The following WDR45 variants were observed in gnomAD, a reference collection of about 807,000 sequenced individuals.
WDR45 encodes the protein WD repeat domain phosphoinositide-interacting protein 4.
A neutral mutation model predicts 27.3 loss-of-function variants in WDR45; 2 were observed. The ratio of observed to expected loss-of-function variants is 0.07; its 90% confidence interval spans 0.03 to 0.23. WDR45 has a LOEUF of 0.23. WDR45 is among the 10% of genes least tolerant of loss of function. The pLI is 1.00. For missense variants in WDR45, 175 were observed against 311.9 expected, an observed-to-expected ratio of 0.56 and a Z score of 3.31; for synonymous variants, 99 against 119.2, an observed-to-expected ratio of 0.83 and a Z score of 1.11.
At chrX:49,083,315 CG>C (rs1336989757), upstream of WDR45, among the ~76,000 whole-genome samples, 1 of 90,454 alleles carries the variant, frequency 1.1e-5, no homozygotes, top group East Asian at 3.3e-4. Flanking sequence ...CCCGGCCTCT[CG>C]TTTTTTTTTT....
At position 49,093,258 on chromosome X, in the gene WDR45, G is replaced by A. The variant is rs186597651; in HGVS notation, c.-18+6947C>T. ...CTTTGTTTTCTTTTAATAGAGATGG[G>A]GTCTTGAGGTCTCACTATGTTGCCC... On this transcript the variant is annotated intron_variant, in intron 2 of 11. Transcript: ENST00000356463. Among the ~76,000 whole-genome samples, 9 of 109,987 alleles carry A rather than the reference G, an allele frequency of 8.2e-5. No homozygotes were observed. The East Asian group carries it at 2.6e-3, about 32-fold the overall frequency.
chrX:49,082,945 T>A (rs1557085384), upstream of WDR45, among the ~76,000 whole-genome samples: 1 of 106,940 alleles, frequency 9.4e-6, no homozygotes, highest in African/African-American at 3.4e-5. Context: ...AGTGGGGCGA[T>A]CTCGGTTAAC....
chrX:49,076,335 G>C, intron 6 of WDR45, 95 bp downstream of exon 6: 1 of 912,469 alleles, frequency 1.1e-6, no homozygotes, highest in Admixed American at 2.3e-5. Flanking sequence ...CCATTTCTCT[G>C]TGTGTGAGTG....
At chrX:49,081,499 CA>C (rs2065066758), upstream of WDR45, among the ~76,000 whole-genome samples, 1 of 101,296 alleles carries the variant, frequency 9.9e-6, no homozygotes, top group South Asian at 4.9e-4. Context: ...CACTGCACTC[CA>C]GCCTGGGTAA....
At chrX:49,100,652 A>G (rs1162125091) in intron 1 of WDR45, 1 of 114,598 alleles carries the variant, frequency 8.7e-6, no homozygotes, top group African/African-American at 3.2e-5. Context: ...TTAATGCTCC[A>G]AAACCATCAG....
intron 2 of WDR45, among the ~76,000 whole-genome samples, chrX:49,085,030 C>T (rs1295763330): frequency 8.9e-6 from 1 of 112,165 alleles, no homozygotes; most frequent in Non-Finnish European, 1.9e-5. Context: ...TGTCCCAGCA[C>T]ACTGCCTGGA....
Position 49,074,931 on chromosome X carries a change from T to A in WDR45, c.974-19A>T. 4 of 1,169,147 alleles carry A rather than the reference T, an allele frequency of 3.4e-6. No individual in the cohort carries two copies. Reference sequence around the variant, plus strand: ...CAGATGGCTGGGGGAGGGGGGGTGGTAAAAGGTCAGAGGCTGCCACAGCCA... The same window carrying A: ...CAGATGGCTGGGGGAGGGGGGGTGGAAAAAGGTCAGAGGCTGCCACAGCCA... On this transcript the variant is annotated intron_variant, in intron 10 of 10. Coordinates refer to ENST00000376372, the MANE Select transcript of WDR45 (RefSeq NM_001029896.2).
Position 49,077,929 on chromosome X carries a change from T to C in WDR45, c.56-18A>G, listed in dbSNP as rs781907434. The stretch of plus-strand genomic sequence containing the variant: ...AAAGCAGCCTGGGGGATGGAAGGAA[T>C]CCAGACTGCCTTAAAGAATGCCCAG... On this transcript the variant is annotated intron_variant, in intron 2 of 10. Coordinates refer to ENST00000376372, the MANE Select transcript of WDR45 (RefSeq NM_001029896.2). 3 of 1,210,224 alleles carry C rather than the reference T, an allele frequency of 2.5e-6. No homozygotes were observed. The East Asian group carries it at 8.9e-5, about 36-fold the overall frequency.
upstream of WDR45, among the ~76,000 whole-genome samples, chrX:49,080,793 A>G (rs1342329377): frequency 3.2e-5 from 2 of 61,690 alleles, no homozygotes; most frequent in Non-Finnish European, 6.8e-5. Flanking sequence ...AGTAAAAGGT[A>G]TGAATGCTTT....
At chrX:49,077,189 A>G in intron 4 of WDR45, 2 of 187,049 alleles carry the variant, frequency 1.1e-5, no homozygotes, top group Non-Finnish European at 2.0e-5. Context: ...AAACCCTTAA[A>G]GTAAGATGGC....
upstream of WDR45, among the ~76,000 whole-genome samples, chrX:49,083,667 G>A (rs1269444735): frequency 9.1e-6 from 1 of 110,485 alleles, no homozygotes; most frequent in South Asian, 3.8e-4. Context: ...ACAGTTTGTG[G>A]CCAGGCGTGG....
upstream of WDR45, among the ~76,000 whole-genome samples, chrX:49,084,843 C>T (rs1269500619): frequency 4.5e-5 from 5 of 110,603 alleles, no homozygotes; most frequent in Non-Finnish European, 7.6e-5. Context: ...CCATGTAGGC[C>T]GGGCTGGTCT....
In WDR45 at chrX:49,096,722, G is replaced by A. The variant is rs782044317; in HGVS notation, c.-18+3483C>T. On this transcript the variant is annotated intron_variant, in intron 2 of 11. Transcript: ENST00000356463. Reference sequence around the variant, plus strand: ...GCCTCACAAAGTGCTGGGATTACAGGCATGAGCCACCAGGCTTGGCAAGTG... The same window carrying A: ...GCCTCACAAAGTGCTGGGATTACAGACATGAGCCACCAGGCTTGGCAAGTG... Among the ~76,000 whole-genome samples, 20 of 112,670 alleles carry A rather than the reference G, an allele frequency of 1.8e-4. 1 individual carries two copies. In the South Asian group the frequency reaches 7.2e-3, roughly 41 times the overall value.
exon 2 of WDR45, chrX:49,100,315 AG>A (rs1467310806): frequency 9.3e-6 from 1 of 107,526 alleles, no homozygotes; most frequent in Non-Finnish European, 1.9e-5. Context: ...GCTCACTGCA[AG>A]CTCCGCCTCC....
rs782329150 is a variant in WDR45, at chrX:49,076,660, C to T, written c.326G>A (p.Arg109His). ...FTFTKPVLSV[R>H]MRHDKIVIVL... The stretch of plus-strand genomic sequence containing the variant: ...TCAGGCTCACTTGTCATGGCGCATG[C>T]GCACAGAAAGCACTGGCTTGGTGAA... Residue 109 changes from arginine to histidine, a missense_variant, in exon 5 of 11, where the codon CGC becomes CAC. Transcript: ENST00000376372. 17 of 1,209,108 alleles carry T rather than the reference C, an allele frequency of 1.4e-5. No individual in the cohort carries two copies. The highest frequency in any genetic ancestry group is 2.3e-4 in the Middle Eastern group (1 of 4,356).
At position 49,076,629 on chromosome X, in the gene WDR45, T is replaced by A. The variant is rs782631059; in HGVS notation, c.341+16A>T. On this transcript the variant is annotated intron_variant, in intron 5 of 10. Coordinates refer to ENST00000376372, the MANE Select transcript of WDR45 (RefSeq NM_001029896.2). ...GGGGACCTCCTACCTCCCACCCCGG[T>A]CCTCCTCAGGCTCACTTGTCATGGC... The A allele has an allele frequency of 8.3e-7, 1 of 1,207,463 alleles. No homozygotes were observed. Among genetic ancestry groups the A allele is most frequent in the Admixed American group, 2.2e-5 (1 of 45,888 alleles).
At chrX:49,081,691 C>CA (rs1198720957), upstream of WDR45, among the ~76,000 whole-genome samples, 67 of 99,241 alleles carry the variant, frequency 6.8e-4, no homozygotes, top group South Asian at 2.3e-3. Flanking sequence ...ATTCCCGTCT[C>CA]AAAAAAAAAG....
At chrX:49,091,813 G>GATGCACTT (rs1557086708) in intron 2 of WDR45, among the ~76,000 whole-genome samples, 1 of 71,013 alleles carries the variant, frequency 1.4e-5, no homozygotes, top group African/African-American at 5.3e-5. Context: ...TTCATACTAA[G>GATGCACTT]ATGCACTTAT....
chrX:49,083,099 C>T (rs1484658463), upstream of WDR45, among the ~76,000 whole-genome samples: 3 of 110,336 alleles, frequency 2.7e-5, no homozygotes, highest in African/African-American at 6.6e-5. Context: ...AGGCTGGTCT[C>T]GAACTCCTGA....
Sources: allele counts gnomAD v4.1 joint callset (sites outside exome capture counted in the v4.1 genomes callset), GRCh38; gene constraint gnomAD v4.1.1; transcripts MANE v1.5; gene names NCBI Gene and HGNC (gene_info 2026-07-23, HGNC 2026-07-21).